Variants in MNT observed in about 807,000 individuals in gnomAD.
MNT encodes max-binding protein MNT.
In MNT, 13 loss-of-function variants were observed where a neutral mutation model predicts 40.7. That is an observed-to-expected ratio of 0.32 (90% CI 0.21 to 0.51). The LOEUF is 0.51. MNT is among the 20% of genes least tolerant of loss of function. The pLI is 0.98. For missense variants in MNT, 757 were observed against 792.0 expected, an observed-to-expected ratio of 0.96 and a Z score of 0.53; for synonymous variants, 426 against 354.8, an observed-to-expected ratio of 1.20 and a Z score of -2.26.
Position 2,387,982 on chromosome 17 carries a change from G to A in MNT, c.875C>T (p.Thr292Met), listed in dbSNP as rs373443692. ...CTTGAGCTCTGCCAGCCGCTGCTGCGTGGCAATCTTCTCACGTGCCAGCCG... is the reference window on the plus strand; with the variant it reads ...CTTGAGCTCTGCCAGCCGCTGCTGCATGGCAATCTTCTCACGTGCCAGCCG... ...MERLAREKIA[T>M]QQRLAELKHE... Residue 292 changes from threonine (T) to methionine (M), a missense_variant, in exon 5 of 6, where the codon ACG becomes ATG. Physicochemically the swap from Thr to Met is moderately conservative, Grantham distance 81. Around this residue, in one of 4 missense-constraint regions of MNT, gnomAD observed 73 missense variants for 100.8 expected, o/e 0.72. Transcript: ENST00000174618. 20 of 1,590,270 alleles carry A rather than the reference G, an allele frequency of 1.3e-5. No individual in the cohort carries two copies. The highest frequency in any genetic ancestry group is 5.7e-5 in the South Asian group (5 of 88,452).
intron 2 of MNT, 124 bp from the exon 3 acceptor site, chr17:2,394,470 G>T: frequency 7.0e-7 from 1 of 1,436,806 alleles, no homozygotes; most frequent in Non-Finnish European, 9.6e-7. Flanking sequence ...AAAGCAGACT[G>T]GGAGACGTTC....
intron 2 of MNT, 92 bp from the exon 3 acceptor site, chr17:2,394,438 T>C (rs942948849): frequency 6.3e-7 from 1 of 1,577,434 alleles, no homozygotes. Flanking sequence ...TGCCACAGGC[T>C]GTTTGTCCCC....
chr17:2,398,117 C>T (rs751206492), intron 1 of MNT, among the ~76,000 whole-genome samples: 37 of 152,240 alleles, frequency 2.4e-4, no homozygotes, highest in Non-Finnish European at 4.7e-4. Context: ...GCACGCTAAA[C>T]AGGAGGCTTG....
rs894831917 is a variant in MNT, at chr17:2,393,205, G to T, written c.807+838C>A. On this transcript the variant is annotated intron_variant, in intron 4 of 5. Transcript: ENST00000174618. The stretch of plus-strand genomic sequence containing the variant: ...TCCCCTACGGCTCCGCGTCTCCGCG[G>T]CTGCCGGCCCATCCCCCACAGCCTC... Among the ~76,000 whole-genome samples, 3 of 147,722 alleles carry T rather than the reference G, an allele frequency of 2.0e-5. No homozygotes were observed. In the East Asian group the frequency reaches 6.3e-4, roughly 31 times the overall value.
chr17:2,389,362 G>C (rs1197045048), intron 4 of MNT: 1 of 151,934 alleles, frequency 6.6e-6, no homozygotes, highest in African/African-American at 2.4e-5. Context: ...TGCAATCTCT[G>C]CCTCCCAGGT....
Position 2,395,424 on chromosome 17 carries a change from T to G in MNT, c.104A>C (p.Glu35Ala). 6.2e-7 allele frequency: 1 copy of G among 1,612,660 alleles called. No homozygotes were observed. The highest frequency in any genetic ancestry group is 1.1e-5 in the South Asian group (1 of 91,046). ...GGCCTTCTTCTGTTCCTGCTCTCGCTCCTGCTCCAAGCGAAGCCGCTCCTG... is the reference window on the plus strand; with the variant it reads ...GGCCTTCTTCTGTTCCTGCTCTCGCGCCTGCTCCAAGCGAAGCCGCTCCTG... ...EEQERLRLEQ[E>A]REQEQKKANS... Residue 35 changes from glutamate (E) to alanine (A), a missense_variant, in exon 2 of 6, where the codon GAG becomes GCG. By Grantham distance (107) the Glu-to-Ala change is moderately radical (BLOSUM62 -1). Transcript: ENST00000174618.
chr17:2,393,189 GCTCCGCGT>G (rs1350258861), intron 4 of MNT, among the ~76,000 whole-genome samples: 14 of 136,198 alleles, frequency 1.0e-4, no homozygotes, highest in Non-Finnish European at 6.4e-5. Flanking sequence ...ATCCCCTACG[GCTCCGCGT>G]CTCCGCGGCT....
Position 2,395,397 on chromosome 17 carries a change from T to C in MNT, c.131A>G (p.Asn44Ser). 2.5e-6 allele frequency: 4 copies of C among 1,613,648 alleles called. No homozygotes were observed. Among genetic ancestry groups the C allele is most frequent in the Non-Finnish European group, 3.4e-6 (4 of 1,179,902 alleles). ...GGTATGTGCCAGCCTGGCCAGGCTA[T>C]TGGCCTTCTTCTGTTCCTGCTCTCG... is the stretch of plus-strand genomic sequence containing the variant. ...QEREQEQKKA[N>S]SLARLAHTLP... The change falls in exon 2 of 6, where the codon AAT becomes AGT. Residue 44 changes from asparagine to serine, a missense_variant. Transcript: ENST00000174618.
chr17:2,399,407 T>C (rs1208529240), intron 1 of MNT, among the ~76,000 whole-genome samples: 3 of 152,192 alleles, frequency 2.0e-5, no homozygotes, highest in Non-Finnish European at 4.4e-5. Context: ...CCCCGGCTGA[T>C]GCCAGGGGGC....
At chr17:2,388,353 A>G (rs1479758909) in intron 4 of MNT, 1 of 364,052 alleles carries the variant, frequency 2.7e-6, no homozygotes, top group African/African-American at 2.1e-5. Flanking sequence ...CTCTCGCCCC[A>G]TCCCTCCTCC....
At chr17:2,397,556 C>T (rs966565042) in intron 1 of MNT, among the ~76,000 whole-genome samples, 2 of 152,154 alleles carry the variant, frequency 1.3e-5, no homozygotes, top group African/African-American at 2.4e-5. Context: ...TTAAAGCAAT[C>T]CCAAAGCTCA....
rs2066478559 is a variant in MNT, at chr17:2,387,671, GAGC to G, written c.1001-25_1001-23del. ...CCCTCTGTGGGGAACATGGGGCAGG[GAGC>G]AGGTCAGAAGGGCGGGGAAGCAAGT... On this transcript the variant is annotated intron_variant, in intron 5 of 5. Transcript: ENST00000174618. 8.1e-6 allele frequency: 13 copies of G among 1,613,260 alleles called. No homozygotes were observed. In the East Asian group the frequency reaches 2.9e-4, roughly 36 times the overall value.
At chr17:2,400,313 C>A in intron 1 of MNT, 1 of 284,312 alleles carries the variant, frequency 3.5e-6, no homozygotes, top group Non-Finnish European at 6.7e-6. Flanking sequence ...CTCACCCCAC[C>A]CCCCGGCTCA....
In MNT at chr17:2,387,957, C is replaced by T. The variant is rs1480314876; in HGVS notation, c.900G>A (p.Lys300=). 1.9e-6 allele frequency: 3 copies of T among 1,605,996 alleles called. No homozygotes were observed. The highest frequency in any genetic ancestry group is 2.6e-6 in the Non-Finnish European group (3 of 1,176,306). ...CGTCCATCCACTGGCTCAGCTCGTG[C>T]TTGAGCTCTGCCAGCCGCTGCTGCG... ...IATQQRLAEL[K]HELSQWMDVL... is the part of the protein sequence containing the mutation. Residue 300 remains lysine, a synonymous_variant, in exon 5 of 6, where the codon AAG becomes AAA. Transcript: ENST00000174618.
Position 2,393,852 on chromosome 17 carries a change from C to T in MNT, c.807+191G>A, listed in dbSNP as rs2066548854. Reference sequence around the variant, plus strand: ...GGGAGGGGAGCCGCGCCCTCCTCTGCGCACGCGCGCCCTCCCGGGCAGGGA... The same window carrying T: ...GGGAGGGGAGCCGCGCCCTCCTCTGTGCACGCGCGCCCTCCCGGGCAGGGA... On this transcript the variant is annotated intron_variant, in intron 4 of 5. Coordinates refer to ENST00000174618, the MANE Select transcript of MNT (RefSeq NM_020310.3). 4 of 304,468 alleles carry T rather than the reference C, an allele frequency of 1.3e-5. No individual in the cohort carries two copies. The South Asian group carries it at 5.6e-4, about 43-fold the overall frequency. The allele number at this position is 304,468 out of a possible 1,614,324, so 18.9% of individuals were successfully genotyped here. A position where few individuals can be genotyped will look rare whatever the true frequency, so the allele number is the denominator to read the frequency against.
chr17:2,394,361 G>A lies in MNT; in HGVS notation c.654-15C>T. ...TGGTTCCGATCCTGAAACCCAGACA[G>A]ATAGGAGGCTCAGGGAGGAGGACTC... On this transcript the variant is annotated splice_polypyrimidine_tract_variant and intron_variant, in intron 2 of 5. Coordinates refer to ENST00000174618, the MANE Select transcript of MNT (RefSeq NM_020310.3). 4 of 1,613,868 alleles carry A rather than the reference G, an allele frequency of 2.5e-6. No homozygotes were observed. The highest frequency in any genetic ancestry group is 3.4e-6 in the Non-Finnish European group (4 of 1,179,946).
chr17:2,387,090 G>T lies in MNT; in HGVS notation c.1560C>A (p.Ile520=). Residue 520 remains isoleucine, a synonymous_variant, in exon 6 of 6, where the codon ATC becomes ATA. Coordinates refer to ENST00000174618, the MANE Select transcript of MNT (RefSeq NM_020310.3). ...CTTGCTGGTGCGAGAGGGTGTGGGCGATGTGGCTCACTGCCACGGGCTGCG... is the reference window on the plus strand; with the variant it reads ...CTTGCTGGTGCGAGAGGGTGTGGGCTATGTGGCTCACTGCCACGGGCTGCG... ...LYPQPVAVSH[I]AHTLSHQQVN... 1 of 1,574,806 alleles carries T rather than the reference G, an allele frequency of 6.3e-7. No individual in the cohort carries two copies. Among genetic ancestry groups the T allele is most frequent in the Admixed American group, 1.9e-5 (1 of 52,664 alleles).
Position 2,387,044 on chromosome 17 carries a change from C to T in MNT, c.1606G>A (p.Gly536Arg), listed in dbSNP as rs1330556824. Reference sequence around the variant, plus strand: ...TTTGCCATGACAGTAGCCGGGGGCCCCAGGCCGGCCGTGCCGTTGACTTGC... The same window carrying T: ...TTTGCCATGACAGTAGCCGGGGGCCTCAGGCCGGCCGTGCCGTTGACTTGC... ...HQQVNGTAGL[G>R]PPATVMAKPA... The change falls in exon 6 of 6, where the codon GGG becomes AGG. Residue 536 changes from glycine to arginine, a missense_variant. This residue lies in a region of MNT where 345 missense variants were observed against 380.1 expected (regional missense o/e 0.91). Transcript: ENST00000174618. 2 of 1,555,110 alleles carry T rather than the reference C, an allele frequency of 1.3e-6. No homozygotes were observed. The highest frequency in any genetic ancestry group is 1.2e-5 in the South Asian group (1 of 84,322).
intron 1 of MNT, among the ~76,000 whole-genome samples, chr17:2,396,200 C>T (rs926591982): frequency 2.6e-5 from 4 of 152,300 alleles, no homozygotes; most frequent in South Asian, 2.1e-4. Context: ...CTCTTGACTC[C>T]GAGGCTAGGT....
Sources: gnomAD v4.1 joint callset for allele counts (sites outside exome capture counted in the v4.1 genomes callset) on GRCh38, gnomAD v4.1.1 for gene constraint, gnomAD v4.1.1 regional missense constraint, MANE v1.5 for transcripts, NCBI Gene and HGNC (gene_info 2026-07-23, HGNC 2026-07-21) for gene names.